Variants in ASCC3 observed in about 807,000 individuals in gnomAD.
The protein encoded by ASCC3 is ASC-1 complex subunit P200.
A neutral mutation model predicts 256.3 loss-of-function variants in ASCC3; 158 were observed. The ratio of observed to expected loss-of-function variants is 0.62; its 90% confidence interval spans 0.54 to 0.70. The LOEUF (loss-of-function observed/expected upper bound fraction) is 0.70. Ranked by LOEUF, ASCC3 falls within the 30% of genes least tolerant of loss-of-function variation. The pLI, the probability that ASCC3 is intolerant of heterozygous loss-of-function variation, is 0.00. For missense variants in ASCC3, 2,259 were observed against 2,626.0 expected (o/e 0.86, Z 3.05); for synonymous variants, 948 against 883.4 (o/e 1.07, Z -1.30).
chr6:100,658,634 AT>A (rs1776037645), intron 16 of ASCC3, among the ~76,000 whole-genome samples: 1 of 151,430 alleles, frequency 6.6e-6, no homozygotes, highest in Non-Finnish European at 1.5e-5. Flanking sequence ...CATTTCTTAA[AT>A]TTCCACAACA....
intron 5 of ASCC3, among the ~76,000 whole-genome samples, chr6:100,803,069 A>G (rs1000327152): frequency 2.6e-5 from 4 of 152,104 alleles, no homozygotes; most frequent in African/African-American, 9.7e-5. Flanking sequence ...TGACAAAATG[A>G]AATATCAAAT....
chr6:100,745,780 G>A (rs1780637486), intron 10 of ASCC3, among the ~76,000 whole-genome samples: 1 of 152,108 alleles, frequency 6.6e-6, no homozygotes, highest in African/African-American at 2.4e-5. Flanking sequence ...TATGGCTAGT[G>A]GCTACTGTAT....
chr6:100,629,280 C>G (rs1774414661), intron 26 of ASCC3, 99 bp from the exon 27 acceptor site: 3 of 1,071,190 alleles, frequency 2.8e-6, no homozygotes, highest in Non-Finnish European at 4.1e-6. Flanking sequence ...TTTTATAAGG[C>G]TTAAAATTAC....
chr6:100,647,114 G>A, intron 21 of ASCC3, 112 bp downstream of exon 21: 1 of 1,039,808 alleles, frequency 9.6e-7, no homozygotes, highest in South Asian at 1.5e-5. Flanking sequence ...TATAAATACG[G>A]TAAAATTTTT....
chr6:100,629,716 G>GA (rs1435224525), intron 26 of ASCC3, among the ~76,000 whole-genome samples: 1 of 151,976 alleles, frequency 6.6e-6, no homozygotes, highest in African/African-American at 2.4e-5. Context: ...GTATTAGGAT[G>GA]AAAACAAGAT....
At chr6:100,834,164 A>G (rs1562331054) in intron 4 of ASCC3, among the ~76,000 whole-genome samples, 1 of 152,222 alleles carries the variant, frequency 6.6e-6, no homozygotes, top group Non-Finnish European at 1.5e-5. Context: ...GGAATCAGTG[A>G]CTAATACAAG....
At chr6:100,607,212 T>A in intron 30 of ASCC3, 124 bp from the exon 31 acceptor site, 1 of 965,474 alleles carries the variant, frequency 1.0e-6, no homozygotes, top group Non-Finnish European at 1.6e-6. Context: ...ATATAAGTCC[T>A]ATATACAGTT....
At chr6:100,592,003 A>C (rs76077368) in intron 34 of ASCC3, among the ~76,000 whole-genome samples, 4,838 of 151,944 alleles carry the variant, frequency 0.032, 93 homozygotes, top group African/African-American at 0.061. Context: ...TTTACAAGGT[A>C]TATTTCAATG....
At chr6:100,822,516 G>A (rs796864609) in intron 4 of ASCC3, among the ~76,000 whole-genome samples, 25 of 145,370 alleles carry the variant, frequency 1.7e-4, no homozygotes, top group African/African-American at 6.5e-4. Flanking sequence ...CAGCCTGGGC[G>A]ACGAGCAAGA....
chr6:100,557,944 G>C (rs1332417791), intron 36 of ASCC3, among the ~76,000 whole-genome samples: 1 of 151,784 alleles, frequency 6.6e-6, no homozygotes, highest in Admixed American at 6.6e-5. Flanking sequence ...GTTAGGTCTT[G>C]TTATTTTCTC....
chr6:100,664,473 A>C (rs1348940328), intron 14 of ASCC3, among the ~76,000 whole-genome samples: 1 of 152,148 alleles, frequency 6.6e-6, no homozygotes, highest in Non-Finnish European at 1.5e-5. Flanking sequence ...TGGCCAACCA[A>C]GTAAATAACA....
chr6:100,818,748 C>CAAAAAAAAAAAAAAAAAAAAAAAAAA (rs56668191), intron 4 of ASCC3, among the ~76,000 whole-genome samples: 1 of 58,108 alleles, frequency 1.7e-5, no homozygotes, highest in Non-Finnish European at 2.8e-5. Flanking sequence ...AGGCAAAAGC[C>CAAAAAAAAAAAAAAAAAAAAAAAAAA]AAAAAAAAAA....
In ASCC3 at chr6:100,588,633, A is replaced by G. The variant is rs566931029; in HGVS notation, c.5550+1001T>C. 3.9e-5 allele frequency among the ~76,000 whole-genome samples: 6 copies of G among 152,282 alleles called. No individual in the cohort carries two copies. The South Asian group carries it at 1.2e-3, about 32-fold the overall frequency. On this transcript the variant is annotated intron_variant, in intron 36 of 41. Transcript: ENST00000369162. ...AAACTGATTATTACAGGATCTACCT[A>G]TCCTTCCATCTGTTAATTCATTAAT...
Position 100,806,385 on chromosome 6 carries a change from C to T in ASCC3, c.802-505G>A, listed in dbSNP as rs1246531740. On this transcript the variant is annotated intron_variant, in intron 4 of 41. Coordinates refer to ENST00000369162, the MANE Select transcript of ASCC3 (RefSeq NM_006828.4). ...GTCTGAAATCTAAAACAAAGTGCTG[C>T]AAGTGCTTTACATAACTTTATGAAA... 3.9e-5 allele frequency among the ~76,000 whole-genome samples: 6 copies of T among 151,928 alleles called. No homozygotes were observed. The Admixed American group carries it at 3.9e-4, about 10-fold the overall frequency.
chr6:100,708,929 C>T (rs1393706468), intron 13 of ASCC3, among the ~76,000 whole-genome samples: 2 of 151,096 alleles, frequency 1.3e-5, no homozygotes, highest in Admixed American at 6.6e-5. Flanking sequence ...TTATTGCAAT[C>T]GTGATTTAGA....
chr6:100,649,762 A>G (rs1194065921), intron 20 of ASCC3, among the ~76,000 whole-genome samples: 4 of 151,658 alleles, frequency 2.6e-5, no homozygotes, highest in Non-Finnish European at 5.9e-5. Context: ...TTCTTAATTT[A>G]TAAAAGGAAG....
At chr6:100,654,836 T>G (rs1459308876) in intron 17 of ASCC3, among the ~76,000 whole-genome samples, 9 of 151,806 alleles carry the variant, frequency 5.9e-5, no homozygotes, top group Admixed American at 5.9e-4. Context: ...AATTTTCCCA[T>G]GGTAAAATCT....
chr6:100,587,129 T>A (rs958056831), intron 36 of ASCC3, among the ~76,000 whole-genome samples: 2 of 152,136 alleles, frequency 1.3e-5, no homozygotes, highest in African/African-American at 2.4e-5. Flanking sequence ...ACTAATGTTA[T>A]CCCCACAGCT....
chr6:100,665,435 T>G (rs1340820210), intron 14 of ASCC3, among the ~76,000 whole-genome samples: 3 of 151,932 alleles, frequency 2.0e-5, no homozygotes, highest in African/African-American at 7.2e-5. Context: ...AAAAATGAAC[T>G]GGAATCTGGC....
Sources: allele counts gnomAD v4.1 joint callset (sites outside exome capture counted in the v4.1 genomes callset), GRCh38; gene constraint gnomAD v4.1.1; transcripts MANE v1.5; gene names NCBI Gene and HGNC (gene_info 2026-07-23, HGNC 2026-07-21).